GNL3L: variants seen among roughly 807,000 people sequenced by gnomAD.
The protein encoded by GNL3L is guanine nucleotide-binding protein-like 3-like protein.
A neutral mutation model predicts 42.9 loss-of-function variants in GNL3L; 4 were observed. That is an observed-to-expected ratio of 0.09 (90% CI 0.05 to 0.21). The LOEUF (loss-of-function observed/expected upper bound fraction) is 0.21, where lower values mean the gene tolerates loss of function less well. Among genes scored for constraint, GNL3L ranks in the 10% least tolerant of loss-of-function variants. The pLI is 1.00. For synonymous variants in GNL3L, 159 were observed against 176.3 expected, an observed-to-expected ratio of 0.90 and a Z score of 0.78; for missense variants, 412 against 481.7, an observed-to-expected ratio of 0.86 and a Z score of 1.36.
rs1925274608 is a variant in GNL3L, at chrX:54,561,631, T to C, written c.*1029T>C. Among the ~76,000 whole-genome samples the C allele has an allele frequency of 8.9e-6, 1 of 112,075 alleles. No homozygotes were observed. The highest frequency in any genetic ancestry group is 1.9e-5 in the Non-Finnish European group (1 of 53,150). On this transcript the variant is annotated 3_prime_UTR_variant, in exon 16 of 16. Coordinates refer to ENST00000360845, the MANE Select transcript of GNL3L (RefSeq NM_001184819.2). ...GCAGATTGTGAATTGGAGGAATCTC[T>C]TTAACTGAAGTACTCTGGCTGGACC...
In GNL3L at chrX:54,565,175, G is replaced by A. The variant is rs887056032; in HGVS notation, c.*4573G>A. Among the ~76,000 whole-genome samples the A allele has an allele frequency of 8.9e-6, 1 of 111,794 alleles. No individual in the cohort carries two copies. Among genetic ancestry groups the A allele is most frequent in the African/African-American group, 3.3e-5 (1 of 30,756 alleles). ...GTATATTAATAGTTCTTATTTCTGA[G>A]TCACTCCATTGTGTGGATTTACTAC... On this transcript the variant is annotated 3_prime_UTR_variant, in exon 16 of 16. Coordinates refer to ENST00000360845, the MANE Select transcript of GNL3L (RefSeq NM_001184819.2).
the GNL3L span, among the ~76,000 whole-genome samples, chrX:54,630,154 C>T: frequency 9.1e-5 from 10 of 109,310 alleles, no homozygotes; most frequent in Middle Eastern, 4.7e-3. Flanking sequence ...CTTCTTTTCT[C>T]GGTGAATCTC....
At chrX:54,572,769 G>A (rs1925572151) in intron 16 of GNL3L, among the ~76,000 whole-genome samples, 1 of 109,766 alleles carries the variant, frequency 9.1e-6, no homozygotes, top group African/African-American at 3.3e-5. Flanking sequence ...GCCGGGCGGA[G>A]AGGCTCCTCA....
chrX:54,553,596 G>A (rs1925005384), intron 13 of GNL3L, among the ~76,000 whole-genome samples: 1 of 111,747 alleles, frequency 8.9e-6, no homozygotes, highest in East Asian at 2.8e-4. Context: ...CTGGAGTACA[G>A]TGGTATGATC....
the GNL3L span, among the ~76,000 whole-genome samples, chrX:54,639,117 T>A: frequency 5.1e-3 from 571 of 110,890 alleles, 4 homozygotes; most frequent in African/African-American, 0.017. Context: ...TAATGTTTTT[T>A]AAAATAAAAT....
intron 16 of GNL3L, among the ~76,000 whole-genome samples, chrX:54,613,037 C>T (rs370426418): frequency 1.8e-5 from 2 of 111,474 alleles, no homozygotes; most frequent in East Asian, 2.8e-4. Flanking sequence ...CAAGCTTTTA[C>T]GGTTCTCTTC....
intron 3 of GNL3L, among the ~76,000 whole-genome samples, chrX:54,539,637 C>T (rs906998027): frequency 7.2e-5 from 8 of 111,609 alleles, no homozygotes; most frequent in Non-Finnish European, 1.5e-4. Context: ...GGGAAAACAT[C>T]GATTGCTGGG....
Position 54,544,224 on chromosome X carries a change from C to T in GNL3L, c.528C>T (p.Asp176=), listed in dbSNP as rs1386431149. 2 of 1,137,289 alleles carry T rather than the reference C, an allele frequency of 1.8e-6. No individual in the cohort carries two copies. Among genetic ancestry groups the T allele is most frequent in the African/African-American group, 1.8e-5 (1 of 55,546 alleles). 93.7% of individuals were successfully genotyped at this position (1,137,289 alleles called of 1,213,427 possible). A position where few individuals can be genotyped will look rare whatever the true frequency, so the allele number is the denominator to read the frequency against. The change falls in exon 8 of 16, where the codon GAC becomes GAT. Residue 176 remains aspartate (D), a splice_region_variant and synonymous_variant. Coordinates refer to ENST00000360845, the MANE Select transcript of GNL3L (RefSeq NM_001184819.2). ...KKLVLVLNKI[D]LVPKEVVEKW... is the part of the protein sequence containing the mutation. ...CATCTGTTCCTATATTTACCCCAGACCTGGTCCCCAAGGAGGTTGTGGAGA... is the reference window on the plus strand; with the variant it reads ...CATCTGTTCCTATATTTACCCCAGATCTGGTCCCCAAGGAGGTTGTGGAGA...
At chrX:54,629,618 T>A in the GNL3L span, among the ~76,000 whole-genome samples, 1 of 112,049 alleles carries the variant, frequency 8.9e-6, no homozygotes, top group Non-Finnish European at 1.9e-5. Context: ...ACCCACTTGA[T>A]CATGGTGGAT....
chrX:54,531,026 G>C (rs1924229190), intron 1 of GNL3L, among the ~76,000 whole-genome samples: 1 of 111,675 alleles, frequency 9.0e-6, no homozygotes, highest in African/African-American at 3.3e-5. Flanking sequence ...TCTTAGGTTA[G>C]AGTGAGTCCC....
rs867072952 is a variant in GNL3L at position 54,607,076 on chromosome X, T to C, written c.*46-13769T>C. On this transcript the variant is annotated intron_variant, in intron 16 of 16. Coordinates refer to the GNL3L transcript ENST00000674498. ...TCTTTCTTTCTTTCTTTCTTTCTCT[T>C]TCTTTCTTCTTTCTTTCTTTCTTTC... Among the ~76,000 whole-genome samples the C allele has an allele frequency of 8.4e-3, 376 of 44,582 alleles. 18 individuals are homozygous for C. The highest frequency in any genetic ancestry group is 0.056 in the African/African-American group (254 of 4,548). The allele number at this position is 44,582 out of a possible 115,157, so 38.7% of individuals were successfully genotyped here.
rs6612166 is a variant in GNL3L at position 54,541,982 on chromosome X, G to A, written c.306+593G>A. On this transcript the variant is annotated intron_variant, in intron 5 of 15. Transcript: ENST00000360845. ...GTCTCCACCTGGTGCTCGAGCACAC[G>A]TATACACATAGGCGCACACATGAAC... Among the ~76,000 whole-genome samples the A allele has an allele frequency of 4.1e-3, 451 of 111,195 alleles. 17 individuals carry two copies. The East Asian group carries it at 0.1, about 26-fold the overall frequency.
chrX:54,572,638 A>AC (rs1362626519), intron 16 of GNL3L, among the ~76,000 whole-genome samples: 10 of 92,090 alleles, frequency 1.1e-4, no homozygotes, highest in Admixed American at 3.5e-4. Flanking sequence ...CGGGGGGCTG[A>AC]CCCCCCCACC....
chrX:54,552,925 C>G (rs1924989097), intron 13 of GNL3L, among the ~76,000 whole-genome samples: 1 of 112,020 alleles, frequency 8.9e-6, no homozygotes, highest in South Asian at 3.7e-4. Flanking sequence ...GTTGAAGACT[C>G]TTCCAGCTCA....
In GNL3L at chrX:54,607,042, T is replaced by C. The variant is rs1181610199; in HGVS notation, c.*46-13803T>C. On this transcript the variant is annotated intron_variant, in intron 16 of 16. Coordinates refer to the GNL3L transcript ENST00000674498. ...TTTCTTTCTTTCTTTCTTTCTTTCT[T>C]TCTTTCTTTCTTTCTTTCTTTCTTT... Among the ~76,000 whole-genome samples, 107 of 69,941 alleles carry C rather than the reference T, an allele frequency of 1.5e-3. 7 individuals are homozygous for C. The highest frequency in any genetic ancestry group is 8.9e-3 in the African/African-American group (99 of 11,117). 60.7% of individuals were successfully genotyped at this position (69,941 alleles called of 115,157 possible).
chrX:54,530,249 C>T lies in GNL3L; in HGVS notation c.-218C>T. 1.0e-5 allele frequency: 1 copy of T among 100,310 alleles called. No homozygotes were observed. Among genetic ancestry groups the T allele is most frequent in the Non-Finnish European group, 2.0e-5 (1 of 50,175 alleles). The allele number at this position is 100,310 out of a possible 1,213,427, so 8.3% of individuals were successfully genotyped here. A position where few individuals can be genotyped will look rare whatever the true frequency, so the allele number is the denominator to read the frequency against. ...GAGCCTAGCTGCGCGAGAGTTTCTG[C>T]TCGCTCAACCGAGTTGTCGTGTTGC... On this transcript the variant is annotated 5_prime_UTR_variant, in exon 1 of 16. Coordinates refer to ENST00000360845, the MANE Select transcript of GNL3L (RefSeq NM_001184819.2).
At chrX:54,569,703 G>A (rs964726752), downstream of GNL3L, among the ~76,000 whole-genome samples, 6 of 111,657 alleles carry the variant, frequency 5.4e-5, no homozygotes, top group African/African-American at 1.9e-4. Context: ...TCATCTCAAA[G>A]AATCACATTT....
intron 16 of GNL3L, among the ~76,000 whole-genome samples, chrX:54,585,097 A>G (rs1467488893): frequency 8.9e-6 from 1 of 112,032 alleles, no homozygotes; most frequent in African/African-American, 3.2e-5. Context: ...ATTTTCAGCA[A>G]CAATGCACAA....
rs141086578 is a variant in GNL3L at position 54,587,939 on chromosome X, C to T, written c.*45+27292C>T. 1.4e-4 allele frequency among the ~76,000 whole-genome samples: 16 copies of T among 111,923 alleles called. No homozygotes were observed. In the East Asian group the frequency reaches 4.5e-3, roughly 31 times the overall value. On this transcript the variant is annotated intron_variant, in intron 16 of 16. Transcript: ENST00000674498. ...CAGGTGATCCTTCTGCCTCAGCCTC[C>T]CAAAGTGCTAGATTACAGGCGTGAG...
Sources: allele counts gnomAD v4.1 joint callset (sites outside exome capture counted in the v4.1 genomes callset), GRCh38; gene constraint gnomAD v4.1.1; transcripts MANE v1.5; gene names NCBI Gene and HGNC (gene_info 2026-07-23, HGNC 2026-07-21).